The following ATP9A variants were observed in gnomAD, a reference collection of about 807,000 sequenced individuals.
ATP9A encodes ATPase phospholipid transporting 9A.
ATP9A carries 52 observed loss-of-function variants against 144.1 expected under a neutral mutation model. That is an observed-to-expected ratio of 0.36 (90% CI 0.29 to 0.45). ATP9A has a LOEUF of 0.45. Ranked by LOEUF, ATP9A falls within the 20% of genes least tolerant of loss-of-function variation. ATP9A has a pLI of 1.00. For missense variants in ATP9A, 947 were observed against 1,392.7 expected (o/e 0.68, Z 5.09); for synonymous variants, 582 against 557.4 (o/e 1.04, Z -0.62).
intron 4 of ATP9A, among the ~76,000 whole-genome samples, chr20:51,698,114 TCAGGATGTCC>T (rs1244038013): frequency 6.6e-6 from 1 of 152,182 alleles, no homozygotes; most frequent in African/African-American, 2.4e-5. Flanking sequence ...GAAAGGAGAC[TCAGGATGTCC>T]CACCTTCCCC....
rs752935960 is a variant in ATP9A, at chr20:51,601,044, T to C, written c.*167A>G. The C allele has an allele frequency of 1.7e-4, 127 of 769,296 alleles. No individual in the cohort carries two copies. Among genetic ancestry groups the C allele is most frequent in the Non-Finnish European group, 4.9e-5 (26 of 527,780 alleles). The allele number at this position is 769,296 out of a possible 1,614,324, so 47.7% of individuals were successfully genotyped here. Reference sequence around the variant, plus strand: ...GTCTCTTTCAGGACCCTCCCTCCCGTTGATGCAGCGTTAGGACTCCGTTTA... The same window carrying C: ...GTCTCTTTCAGGACCCTCCCTCCCGCTGATGCAGCGTTAGGACTCCGTTTA... On this transcript the variant is annotated 3_prime_UTR_variant, in exon 28 of 28. Coordinates refer to ENST00000338821, the MANE Select transcript of ATP9A (RefSeq NM_006045.3).
chr20:51,704,878 T>C (rs1428222807), intron 4 of ATP9A, among the ~76,000 whole-genome samples: 1 of 152,252 alleles, frequency 6.6e-6, no homozygotes, highest in Non-Finnish European at 1.5e-5. Context: ...GATTCACTTG[T>C]ACCTGCTGAT....
intron 13 of ATP9A, among the ~76,000 whole-genome samples, chr20:51,664,264 GA>G (rs1166627700): frequency 5.9e-5 from 9 of 151,454 alleles, no homozygotes; most frequent in Non-Finnish European, 8.8e-5. Context: ...TACAAAACAA[GA>G]AAAAAAATTC....
At chr20:51,659,908 C>A (rs2077404152) in intron 13 of ATP9A, among the ~76,000 whole-genome samples, 1 of 152,186 alleles carries the variant, frequency 6.6e-6, no homozygotes, top group Admixed American at 6.5e-5. Flanking sequence ...AGTTTCACTT[C>A]CAGGCCAAAG....
At chr20:51,712,454 C>T (rs1309284800) in intron 4 of ATP9A, among the ~76,000 whole-genome samples, 2 of 152,188 alleles carry the variant, frequency 1.3e-5, no homozygotes, top group Non-Finnish European at 2.9e-5. Flanking sequence ...GGATCAGACT[C>T]CATGCTCTGC....
intron 26 of ATP9A, among the ~76,000 whole-genome samples, chr20:51,606,093 C>A (rs2077162489): frequency 6.6e-6 from 1 of 151,988 alleles, no homozygotes; most frequent in South Asian, 2.1e-4. Context: ...CATGGTGAAA[C>A]CCCCGCCTCT....
intron 1 of ATP9A, among the ~76,000 whole-genome samples, chr20:51,733,672 CT>C (rs55749429): frequency 6.7e-6 from 1 of 148,940 alleles, no homozygotes; most frequent in Non-Finnish European, 1.5e-5. Context: ...TGTACCTGGC[CT>C]TTTTTTTTTA....
In ATP9A at chr20:51,768,261, G is replaced by A. The variant is rs2077914516; in HGVS notation, c.68+41C>T. On this transcript the variant is annotated intron_variant, in intron 1 of 27. Transcript: ENST00000338821. ...GGCTGGCCCGAGCGCCGGGCTCCGGGAGGCGCGGACAAAGGAAAACACGGG... is the reference window on the plus strand; with the variant it reads ...GGCTGGCCCGAGCGCCGGGCTCCGGAAGGCGCGGACAAAGGAAAACACGGG... The A allele has an allele frequency of 1.2e-5, 15 of 1,214,388 alleles. 1 individual carries two copies. In the South Asian group the frequency reaches 2.9e-4, roughly 23 times the overall value. 75.2% of individuals were successfully genotyped at this position (1,214,388 alleles called of 1,614,324 possible).
At chr20:51,644,263 CTAGCTTTT>C (rs1448602597) in intron 14 of ATP9A, among the ~76,000 whole-genome samples, 5 of 126,462 alleles carry the variant, frequency 4.0e-5, no homozygotes, top group Non-Finnish European at 1.7e-5. Flanking sequence ...GCTTTTACTT[CTAGCTTTT>C]TTTTTTTTTT....
chr20:51,674,390 C>G (rs2077468708), intron 10 of ATP9A, 77 bp from the exon 11 acceptor site: 10 of 1,478,728 alleles, frequency 6.8e-6, no homozygotes, highest in Non-Finnish European at 8.3e-6. Context: ...GAGGTGGAGG[C>G]TGCAGTGAGC....
At chr20:51,710,528 C>A (rs560568175) in intron 4 of ATP9A, among the ~76,000 whole-genome samples, 5 of 152,176 alleles carry the variant, frequency 3.3e-5, no homozygotes, top group African/African-American at 9.7e-5. Flanking sequence ...GCCCTCCCCC[C>A]AAAAGCGTAT....
intron 1 of ATP9A, chr20:51,732,272 G>A (rs73135656): frequency 0.013 from 1,922 of 152,332 alleles, 29 homozygotes; most frequent in Non-Finnish European, 0.02. Flanking sequence ...AACGTCCCTC[G>A]CTGGACCGCT....
In ATP9A at chr20:51,604,830, T is replaced by C. The variant is rs2077156902; in HGVS notation, c.2994A>G (p.Leu998=). The stretch of plus-strand genomic sequence containing the variant: ...CAGGGGTCTTACCGATGAACTCGTG[T>C]AAGAACACCAGGGAGGCGATGTAGC... ...LACYIASLVF[L]HEFIDVYFIA... The change falls in exon 27 of 28, where the codon TTA becomes TTG. Residue 998 remains leucine (L), a synonymous_variant. Coordinates refer to ENST00000338821, the MANE Select transcript of ATP9A (RefSeq NM_006045.3). 6.6e-7 allele frequency: 1 copy of C among 1,522,978 alleles called. No individual in the cohort carries two copies. Among genetic ancestry groups the C allele is most frequent in the Non-Finnish European group, 8.8e-7 (1 of 1,131,796 alleles). The allele number at this position is 1,522,978 out of a possible 1,614,324, so 94.3% of individuals were successfully genotyped here. A position where few individuals can be genotyped will look rare whatever the true frequency, so the allele number is the denominator to read the frequency against.
intron 13 of ATP9A, among the ~76,000 whole-genome samples, chr20:51,665,009 C>T (rs13042634): frequency 6.6e-6 from 1 of 151,852 alleles, no homozygotes; most frequent in Non-Finnish European, 1.5e-5. Context: ...GGATTACAGG[C>T]GTGAGCCACC....
intron 2 of ATP9A, among the ~76,000 whole-genome samples, chr20:51,728,197 AC>A (rs1335539215): frequency 6.6e-6 from 1 of 152,152 alleles, no homozygotes; most frequent in Non-Finnish European, 1.5e-5. Flanking sequence ...CAGGTGCCAT[AC>A]CCAGGAAATG....
intron 3 of ATP9A, among the ~76,000 whole-genome samples, chr20:51,715,557 C>T (rs1201755258): frequency 5.3e-5 from 8 of 152,192 alleles, no homozygotes; most frequent in Admixed American, 5.2e-4. Context: ...TGTGCTCATA[C>T]AAAGACAGGA....
At chr20:51,648,573 G>A (rs1356169078) in intron 14 of ATP9A, among the ~76,000 whole-genome samples, 2 of 152,174 alleles carry the variant, frequency 1.3e-5, no homozygotes, top group Non-Finnish European at 2.9e-5. Flanking sequence ...GCTTACGCCT[G>A]TAATTCCAGC....
At chr20:51,688,780 C>G (rs560814156) in intron 9 of ATP9A, among the ~76,000 whole-genome samples, 6 of 152,188 alleles carry the variant, frequency 3.9e-5, no homozygotes, top group South Asian at 2.1e-4. Flanking sequence ...GCTGCCTCCC[C>G]CTCTGGTACA....
intron 1 of ATP9A, among the ~76,000 whole-genome samples, chr20:51,730,664 T>C (rs972768322): frequency 6.6e-6 from 1 of 152,208 alleles, no homozygotes. Context: ...GTACAGCCTA[T>C]TATTCCTCAG....
Sources: gnomAD v4.1 joint callset for allele counts (sites outside exome capture counted in the v4.1 genomes callset) on GRCh38, gnomAD v4.1.1 for gene constraint, MANE v1.5 for transcripts, NCBI Gene and HGNC (gene_info 2026-07-23, HGNC 2026-07-21) for gene names.